SH3RF2: variants seen among roughly 807,000 people sequenced by gnomAD.
SH3RF2 encodes SH3 domain containing ring finger 2.
Under a neutral mutation model 59.0 loss-of-function variants are expected in SH3RF2, and 43 were observed. That is an observed-to-expected ratio of 0.73 (90% CI 0.57 to 0.94). The LOEUF (loss-of-function observed/expected upper bound fraction) is 0.94. Among genes scored for constraint, SH3RF2 ranks in the 40% least tolerant of loss-of-function variants. The pLI, the probability that SH3RF2 is intolerant of heterozygous loss-of-function variation, is 0.00. For missense variants in SH3RF2, 930 were observed against 940.1 expected (o/e 0.99, Z 0.14); for synonymous variants, 391 against 391.5 (o/e 1.00, Z 0.01).
chr5:146,036,618 A>G (rs2150007718), intron 5 of SH3RF2, among the ~76,000 whole-genome samples: 1 of 152,222 alleles, frequency 6.6e-6, no homozygotes, highest in African/African-American at 2.4e-5. Context: ...TTGCTGGAAC[A>G]TGGCAGGCAG....
intron 5 of SH3RF2, among the ~76,000 whole-genome samples, chr5:146,019,341 T>G (rs1027221442): frequency 2.4e-4 from 36 of 152,172 alleles, no homozygotes; most frequent in Non-Finnish European, 1.3e-4. Flanking sequence ...TATTCAGTTT[T>G]CCCAACACCA....
At chr5:146,066,910 C>G (rs1763121106), downstream of SH3RF2, among the ~76,000 whole-genome samples, 1 of 152,068 alleles carries the variant, frequency 6.6e-6, no homozygotes, top group African/African-American at 2.4e-5. Context: ...ACTCTGGCAT[C>G]TTGGTGCTAT....
At chr5:145,949,949 T>C (rs1443724819) in intron 2 of SH3RF2, among the ~76,000 whole-genome samples, 1 of 152,212 alleles carries the variant, frequency 6.6e-6, no homozygotes, top group Non-Finnish European at 1.5e-5. Flanking sequence ...ATTCCTACCT[T>C]CCCATTCCAG....
At chr5:146,079,743 C>G (rs1197034020) in exon 10 of SH3RF2, 3 of 152,242 alleles carry the variant, frequency 2.0e-5, no homozygotes, top group African/African-American at 7.2e-5. Flanking sequence ...TAGCCACACC[C>G]TTGTCTCGGT....
chr5:145,995,515 G>A (rs6580400), intron 2 of SH3RF2, among the ~76,000 whole-genome samples: 5,691 of 152,128 alleles, frequency 0.037, 345 homozygotes, highest in African/African-American at 0.13. Context: ...AAAGTTAGTT[G>A]CATAGTTTGC....
intron 4 of SH3RF2, among the ~76,000 whole-genome samples, chr5:146,007,832 A>G (rs977158588): frequency 1.3e-5 from 2 of 152,210 alleles, no homozygotes; most frequent in African/African-American, 4.8e-5. Context: ...TGGAAACCTG[A>G]TTTTCAAAAA....
intron 9 of SH3RF2, among the ~76,000 whole-genome samples, chr5:146,075,838 G>C (rs1277785728): frequency 1.3e-5 from 2 of 150,414 alleles, no homozygotes; most frequent in Non-Finnish European, 2.9e-5. Flanking sequence ...GACATCAGGG[G>C]GTTTTGGTGA....
At chr5:145,949,779 C>T (rs1314442746) in intron 2 of SH3RF2, among the ~76,000 whole-genome samples, 2 of 152,206 alleles carry the variant, frequency 1.3e-5, no homozygotes, top group African/African-American at 4.8e-5. Context: ...GAAAAAGAAA[C>T]ATTTACCATC....
At chr5:145,939,450 C>T (rs372067849) in intron 2 of SH3RF2, among the ~76,000 whole-genome samples, 30 of 152,156 alleles carry the variant, frequency 2.0e-4, no homozygotes, top group African/African-American at 7.0e-4. Flanking sequence ...CCGAAATTTT[C>T]CTTCTAAGAG....
rs545087581 is a variant in SH3RF2, at chr5:145,964,068, G to A, written c.378+25762G>A. On this transcript the variant is annotated intron_variant, in intron 2 of 9. Transcript: ENST00000359120. ...AGGATGGTCTCGATCTCCTGACCTC[G>A]TGATCTACCCACCTCGGCCTCCCAA... 3.3e-5 allele frequency among the ~76,000 whole-genome samples: 5 copies of A among 151,798 alleles called. No individual in the cohort carries two copies. The South Asian group carries it at 6.2e-4, about 19-fold the overall frequency.
At chr5:146,013,372 A>C (rs1226605786) in intron 4 of SH3RF2, among the ~76,000 whole-genome samples, 1 of 152,188 alleles carries the variant, frequency 6.6e-6, no homozygotes, top group East Asian at 1.9e-4. Context: ...CCAGCAGGGG[A>C]TTCCAGGATG....
intron 2 of SH3RF2, among the ~76,000 whole-genome samples, chr5:145,952,619 C>T (rs1758231548): frequency 6.6e-6 from 1 of 152,080 alleles, no homozygotes; most frequent in African/African-American, 2.4e-5. Context: ...TAACCATGAA[C>T]AAGACAGACG....
Position 145,956,015 on chromosome 5 carries a change from A to C in SH3RF2, c.378+17709A>C, listed in dbSNP as rs558597175. Reference sequence around the variant, plus strand: ...GTAAGTTAAGATAAAGGAGTGTGGAAGCATGCATGGAATAGACCAGAACTT... The same window carrying C: ...GTAAGTTAAGATAAAGGAGTGTGGACGCATGCATGGAATAGACCAGAACTT... On this transcript the variant is annotated intron_variant, in intron 2 of 9. Transcript: ENST00000359120. 3.4e-4 allele frequency among the ~76,000 whole-genome samples: 52 copies of C among 152,180 alleles called. 1 individual carries two copies. In the Middle Eastern group the frequency reaches 0.014, roughly 40 times the overall value.
At chr5:145,992,560 A>C (rs1340473849) in intron 2 of SH3RF2, among the ~76,000 whole-genome samples, 1 of 152,262 alleles carries the variant, frequency 6.6e-6, no homozygotes, top group Non-Finnish European at 1.5e-5. Context: ...AATTGGACTT[A>C]TAGTTCCACA....
intron 2 of SH3RF2, among the ~76,000 whole-genome samples, chr5:145,950,202 C>G (rs1758141905): frequency 6.6e-6 from 1 of 152,192 alleles, no homozygotes; most frequent in South Asian, 2.1e-4. Flanking sequence ...GGTATTTTCC[C>G]ACTTTACAGA....
intron 5 of SH3RF2, 59 bp from the exon 6 acceptor site, chr5:146,047,713 T>C (rs1762355241): frequency 1.2e-5 from 19 of 1,526,998 alleles, no homozygotes; most frequent in Non-Finnish European, 1.4e-5. Context: ...CTCTGTTTGC[T>C]GTGGGCCTGG....
intron 2 of SH3RF2, among the ~76,000 whole-genome samples, chr5:145,984,567 A>G (rs796838224): frequency 4.6e-5 from 7 of 152,324 alleles, no homozygotes; most frequent in African/African-American, 1.7e-4. Context: ...TAACTTCTAT[A>G]ACTTACCCAT....
rs139380972 is a variant in SH3RF2, at chr5:145,982,231, CA to C, written c.379-17826del. On this transcript the variant is annotated intron_variant, in intron 2 of 9. Coordinates refer to ENST00000359120, the MANE Select transcript of SH3RF2 (RefSeq NM_152550.4). ...TGCTAATCCATAAGGCTCAGTCCTGCAGTGATTATAGGACATGCTGGTTCCA... is the reference window on the plus strand; with the variant it reads ...TGCTAATCCATAAGGCTCAGTCCTGCGTGATTATAGGACATGCTGGTTCCA... 8.2e-3 allele frequency among the ~76,000 whole-genome samples: 1,243 copies of C among 152,312 alleles called. 23 individuals carry two copies. Among genetic ancestry groups the C allele is most frequent in the African/African-American group, 0.028 (1,180 of 41,562 alleles).
chr5:145,967,427 C>A (rs533506077), intron 2 of SH3RF2, among the ~76,000 whole-genome samples: 168 of 152,124 alleles, frequency 1.1e-3, no homozygotes, highest in Non-Finnish European at 2.1e-3. Flanking sequence ...TCAGTACCTG[C>A]CATATGCCAG....
Sources: gnomAD v4.1 joint callset for allele counts (sites outside exome capture counted in the v4.1 genomes callset) on GRCh38, gnomAD v4.1.1 for gene constraint, MANE v1.5 for transcripts, NCBI Gene and HGNC (gene_info 2026-07-23, HGNC 2026-07-21) for gene names.